The following KIAA1958 variants were observed in gnomAD, a reference collection of about 807,000 sequenced individuals.
KIAA1958 encodes KIAA1958, also known as uncharacterized protein KIAA1958.
In KIAA1958, 14 loss-of-function variants were observed where a neutral mutation model predicts 47.2. The observed-to-expected ratio is 0.30, with a 90% CI of 0.20 to 0.46. The LOEUF is 0.46. Among genes scored for constraint, KIAA1958 ranks in the 20% least tolerant of loss-of-function variants. The pLI is 1.00. For synonymous variants in KIAA1958, 354 were observed against 353.3 expected, an observed-to-expected ratio of 1.00 and a Z score of -0.02; for missense variants, 803 against 909.2, an observed-to-expected ratio of 0.88 and a Z score of 1.50.
chr9:112,558,782 G>A (rs989532397), intron 1 of KIAA1958, among the ~76,000 whole-genome samples: 15 of 152,098 alleles, frequency 9.9e-5, no homozygotes, highest in East Asian at 1.9e-4. Flanking sequence ...GATATACACC[G>A]TAGCTTCAGA....
rs573969761 is a variant in KIAA1958 at position 112,595,441 on chromosome 9, A to G, written c.1171+20190A>G. 2.1e-3 allele frequency among the ~76,000 whole-genome samples: 319 copies of G among 152,262 alleles called. 5 individuals are homozygous for G. Among genetic ancestry groups the G allele is most frequent in the African/African-American group, 7.2e-3 (300 of 41,558 alleles). On this transcript the variant is annotated intron_variant, in intron 2 of 3. Coordinates refer to ENST00000337530, the MANE Select transcript of KIAA1958 (RefSeq NM_133465.4). The stretch of plus-strand genomic sequence containing the variant: ...TTTGGGAGGCCAAGGTGGGTGGATC[A>G]CCTGAGGTCAGGAGTTCGAGACCAG...
intron 1 of KIAA1958, among the ~76,000 whole-genome samples, chr9:112,538,367 A>G (rs1834889853): frequency 6.6e-6 from 1 of 152,116 alleles, no homozygotes; most frequent in African/African-American, 2.4e-5. Context: ...AAAGAAAGAA[A>G]GAAAAAAAAG....
chr9:112,647,475 C>CA (rs910247876), intron 3 of KIAA1958, among the ~76,000 whole-genome samples: 4 of 150,520 alleles, frequency 2.7e-5, no homozygotes, highest in Admixed American at 6.6e-5. Flanking sequence ...AACAAACAAA[C>CA]AAAAAAAACA....
At chr9:112,503,381 C>A (rs562916522) in intron 1 of KIAA1958, among the ~76,000 whole-genome samples, 1 of 151,922 alleles carries the variant, frequency 6.6e-6, no homozygotes, top group Non-Finnish European at 1.5e-5. Context: ...TGGCTGGTCG[C>A]GGTGGCTCAC....
chr9:112,510,728 A>G (rs541263400), intron 1 of KIAA1958, among the ~76,000 whole-genome samples: 11 of 152,312 alleles, frequency 7.2e-5, no homozygotes, highest in African/African-American at 1.9e-4. Context: ...TCAGGTGATA[A>G]TAAATGCCAT....
rs1003250132 is a variant in KIAA1958, at chr9:112,618,205, A to G, written c.1172-27445A>G. ...CCCAAGAGGCCCTGAAGCAGAAGCA[A>G]ATTGAACTCCGCTGTAAAGGAAAAG... On this transcript the variant is annotated intron_variant, in intron 2 of 3. Coordinates refer to ENST00000337530, the MANE Select transcript of KIAA1958 (RefSeq NM_133465.4). This position sits in a 1 kb window ranked among gnomAD's most constrained non-coding sequence, Gnocchi z 7.1. 15 of 1,550,484 alleles carry G rather than the reference A, an allele frequency of 9.7e-6. No homozygotes were observed. Among genetic ancestry groups the G allele is most frequent in the Non-Finnish European group, 1.3e-5 (15 of 1,147,006 alleles).
At chr9:112,638,949 T>G (rs1054598964) in intron 2 of KIAA1958, among the ~76,000 whole-genome samples, 1 of 152,212 alleles carries the variant, frequency 6.6e-6, no homozygotes, top group African/African-American at 2.4e-5. Flanking sequence ...CTTGAAACAA[T>G]CTTAAACTCC....
At chr9:112,508,164 G>A (rs1239888709) in intron 1 of KIAA1958, among the ~76,000 whole-genome samples, 1 of 152,046 alleles carries the variant, frequency 6.6e-6, no homozygotes, top group Non-Finnish European at 1.5e-5. Flanking sequence ...GGCTTGAAAA[G>A]GATTAGGAGA....
In KIAA1958 at chr9:112,618,586, C is replaced by T. The variant is rs1436547370; in HGVS notation, c.1172-27064C>T. ...AGGAGTATGCCCAGCGGCGGCCTCC[C>T]GCCATGCGCTACGAGGATGCCCCTT... is the stretch of plus-strand genomic sequence containing the variant. On this transcript the variant is annotated intron_variant, in intron 2 of 3. Transcript: ENST00000337530. This position sits in a 1 kb window ranked among gnomAD's most constrained non-coding sequence, Gnocchi z 7.1. 25 of 1,550,548 alleles carry T rather than the reference C, an allele frequency of 1.6e-5. No homozygotes were observed. The highest frequency in any genetic ancestry group is 2.2e-5 in the Non-Finnish European group (25 of 1,147,014).
At chr9:112,599,782 T>C (rs1241803138) in intron 2 of KIAA1958, among the ~76,000 whole-genome samples, 16 of 152,252 alleles carry the variant, frequency 1.1e-4, no homozygotes, top group Non-Finnish European at 1.8e-4. Flanking sequence ...TATCAAAGTC[T>C]GATGGCAGCA....
chr9:112,629,312 TGATA>T lies in KIAA1958; in HGVS notation c.1172-16332_1172-16329del, dbSNP rs1306106462. 5.9e-5 allele frequency among the ~76,000 whole-genome samples: 9 copies of T among 152,308 alleles called. No individual in the cohort carries two copies. In the East Asian group the frequency reaches 1.2e-3, roughly 20 times the overall value. On this transcript the variant is annotated intron_variant, in intron 2 of 3. Transcript: ENST00000337530. ...GGATGCATTTACTTTTCCCCAAATT[TGATA>T]GATAGTTATTTTTATATATTTTTTC...
At chr9:112,536,577 T>C (rs189931437) in intron 1 of KIAA1958, among the ~76,000 whole-genome samples, 42 of 152,244 alleles carry the variant, frequency 2.8e-4, no homozygotes, top group Admixed American at 3.9e-4. Flanking sequence ...ATCTATGTCT[T>C]ACCAATAAAT....
intron 1 of KIAA1958, among the ~76,000 whole-genome samples, chr9:112,571,792 A>AAAAT (rs902662500): frequency 4.0e-5 from 6 of 151,260 alleles, no homozygotes; most frequent in African/African-American, 7.3e-5. Context: ...TAAAAAATAA[A>AAAAT]AAATAAATAA....
chr9:112,525,190 GT>G (rs1280840548), intron 1 of KIAA1958, among the ~76,000 whole-genome samples: 14 of 152,328 alleles, frequency 9.2e-5, no homozygotes, highest in African/African-American at 3.4e-4. Flanking sequence ...CTTAGTACAT[GT>G]TGACTCTTTA....
intron 1 of KIAA1958, among the ~76,000 whole-genome samples, chr9:112,562,060 A>T (rs1203322888): frequency 6.6e-6 from 1 of 151,918 alleles, no homozygotes; most frequent in African/African-American, 2.4e-5. Context: ...TTAAATGAGA[A>T]CCTCATTTGT....
rs532501639 is a variant in KIAA1958, at chr9:112,591,544, G to C, written c.1171+16293G>C. 1.2e-3 allele frequency among the ~76,000 whole-genome samples: 176 copies of C among 151,902 alleles called. 1 individual carries two copies. Among genetic ancestry groups the C allele is most frequent in the African/African-American group, 3.8e-3 (159 of 41,428 alleles). On this transcript the variant is annotated intron_variant, in intron 2 of 3. Coordinates refer to ENST00000337530, the MANE Select transcript of KIAA1958 (RefSeq NM_133465.4). ...TTATTTTTAATTCAATATTTGATAA[G>C]TGGATTTTTTTTTAAGGAATGTAAC...
chr9:112,618,881 T>A lies in KIAA1958; in HGVS notation c.1172-26769T>A. 1 of 1,547,964 alleles carries A rather than the reference T, an allele frequency of 6.5e-7. No individual in the cohort carries two copies. The highest frequency in any genetic ancestry group is 1.2e-5 in the South Asian group (1 of 83,858). Reference sequence around the variant, plus strand: ...CTCCAACAATGGCAATTTCATCGTCTCCGCCTCCTATGACTCTTCCTCAGA... The same window carrying A: ...CTCCAACAATGGCAATTTCATCGTCACCGCCTCCTATGACTCTTCCTCAGA... On this transcript the variant is annotated intron_variant, in intron 2 of 3. Transcript: ENST00000337530. The surrounding 1 kb of genome is among the most constrained non-coding windows in gnomAD (Gnocchi z 7.1).
chr9:112,588,057 A>T (rs549393671), intron 2 of KIAA1958, among the ~76,000 whole-genome samples: 1 of 152,228 alleles, frequency 6.6e-6, no homozygotes, highest in East Asian at 1.9e-4. Flanking sequence ...GATATTAGGG[A>T]TATCAGTGTC....
In KIAA1958 at chr9:112,539,383, A is replaced by G. The variant is rs554622747; in HGVS notation, c.-24-34674A>G. ...ACATAAAAAGGATACATGCTACCAT[A>G]TGGGTTAACCTTGAAAACATTATGC... is the stretch of plus-strand genomic sequence containing the variant. On this transcript the variant is annotated intron_variant, in intron 1 of 3. Coordinates refer to ENST00000337530, the MANE Select transcript of KIAA1958 (RefSeq NM_133465.4). Among the ~76,000 whole-genome samples the G allele has an allele frequency of 1.0e-3, 153 of 152,382 alleles. 6 individuals are homozygous for G. The South Asian group carries it at 0.03, about 30-fold the overall frequency.
Sources: allele counts gnomAD v4.1 joint callset (sites outside exome capture counted in the v4.1 genomes callset), GRCh38; gene constraint gnomAD v4.1.1; non-coding constraint Gnocchi (gnomAD v3.1); transcripts MANE v1.5; gene names NCBI Gene and HGNC (gene_info 2026-07-23, HGNC 2026-07-21).